PDE4B: variants seen among roughly 807,000 people sequenced by gnomAD.
PDE4B encodes 3',5'-cyclic-AMP phosphodiesterase 4B.
PDE4B carries 20 observed loss-of-function variants against 82.2 expected under a neutral mutation model. The observed-to-expected ratio is 0.24, with a 90% CI of 0.17 to 0.35. PDE4B has a LOEUF of 0.35. PDE4B is among the 10% of genes least tolerant of loss of function. The pLI is 1.00. For missense variants in PDE4B, 655 were observed against 907.2 expected, an observed-to-expected ratio of 0.72 and a Z score of 3.57; for synonymous variants, 320 against 318.9, an observed-to-expected ratio of 1.00 and a Z score of -0.04.
At chr1:65,992,840 C>T in intron 3 of PDE4B, 1 of 1,563,258 alleles carries the variant, frequency 6.4e-7, no homozygotes, top group Middle Eastern at 1.7e-4. Flanking sequence ...TTCTGACCTG[C>T]AGCAGTGTCT....
In PDE4B at chr1:65,962,529, C is replaced by T. The variant is rs557873269; in HGVS notation, c.281+43694C>T. ...CTTTCAAAACATTGAAGCAAGGATG[C>T]AGAAACTGTTGCTAGTCCATGAAGG... On this transcript the variant is annotated intron_variant, in intron 3 of 16. Coordinates refer to ENST00000341517, the MANE Select transcript of PDE4B (RefSeq NM_002600.4). Among the ~76,000 whole-genome samples, 8 of 152,186 alleles carry T rather than the reference C, an allele frequency of 5.3e-5. No homozygotes were observed. In the East Asian group the frequency reaches 1.6e-3, roughly 29 times the overall value.
In PDE4B at chr1:66,355,554, A is replaced by G. The variant is rs1408110405; in HGVS notation, c.775A>G (p.Thr259Ala). The G allele has an allele frequency of 6.2e-7, 1 of 1,612,668 alleles. No individual in the cohort carries two copies. Among genetic ancestry groups the G allele is most frequent in the Admixed American group, 1.7e-5 (1 of 59,994 alleles). ...CAAAAGAATGCTGAACCGGGAGCTGACACACCTCTCAGAGATGAGCCGATC... is the reference window on the plus strand; with the variant it reads ...CAAAAGAATGCTGAACCGGGAGCTGGCACACCTCTCAGAGATGAGCCGATC... ...KFKRMLNREL[T>A]HLSEMSRSGN... Residue 259 changes from threonine to alanine, a missense_variant, in exon 9 of 17, where the codon ACA becomes GCA. Thr to Ala is a moderately conservative substitution (Grantham distance 58). Around this residue, in one of 3 missense-constraint regions of PDE4B, gnomAD observed 283 missense variants for 516.4 expected, o/e 0.55. Transcript: ENST00000341517.
At chr1:65,886,513 A>T (rs1392725660) in intron 1 of PDE4B, among the ~76,000 whole-genome samples, 2 of 151,980 alleles carry the variant, frequency 1.3e-5, no homozygotes, top group Non-Finnish European at 2.9e-5. Context: ...CTCATAACCA[A>T]CCTCTTTTTA....
intron 3 of PDE4B, among the ~76,000 whole-genome samples, chr1:66,054,828 AT>A (rs1655216823): frequency 6.6e-6 from 1 of 152,138 alleles, no homozygotes; most frequent in African/African-American, 2.4e-5. Context: ...CTCCTTATCT[AT>A]AGGCCCTTCC....
intron 3 of PDE4B, among the ~76,000 whole-genome samples, chr1:65,966,769 A>G (rs575891203): frequency 6.6e-6 from 1 of 152,324 alleles, no homozygotes; most frequent in Admixed American, 6.5e-5. Context: ...CAAATCTGAC[A>G]AAAACAAACG....
intron 3 of PDE4B, among the ~76,000 whole-genome samples, chr1:66,087,398 T>C (rs1295429397): frequency 2.0e-5 from 3 of 152,104 alleles, no homozygotes; most frequent in African/African-American, 7.2e-5. Context: ...ATATTAGCCC[T>C]TTGTCAGATG....
chr1:66,073,885 A>G (rs1196047209), intron 3 of PDE4B, among the ~76,000 whole-genome samples: 1 of 152,160 alleles, frequency 6.6e-6, no homozygotes. Flanking sequence ...ATATCATAGA[A>G]GAAAAAAGTT....
intron 1 of PDE4B, among the ~76,000 whole-genome samples, chr1:65,901,943 T>C (rs1646976214): frequency 6.6e-6 from 1 of 152,096 alleles, no homozygotes; most frequent in South Asian, 2.1e-4. Context: ...CTATAAACTT[T>C]TAACATTGCT....
chr1:65,927,781 A>C (rs1569713801), intron 3 of PDE4B, among the ~76,000 whole-genome samples: 1 of 152,060 alleles, frequency 6.6e-6, no homozygotes, highest in Admixed American at 6.6e-5. Flanking sequence ...AATGGCTTCC[A>C]TTTGGCCTTT....
intron 13 of PDE4B, among the ~76,000 whole-genome samples, chr1:66,366,864 TG>T (rs1408175397): frequency 6.6e-6 from 1 of 152,228 alleles, no homozygotes; most frequent in Non-Finnish European, 1.5e-5. Context: ...CATTGGAGGT[TG>T]TAACTAAGAG....
intron 3 of PDE4B, among the ~76,000 whole-genome samples, chr1:65,969,670 T>A (rs1359648177): frequency 6.6e-6 from 1 of 152,200 alleles, no homozygotes; most frequent in African/African-American, 2.4e-5. Context: ...TGACAATATT[T>A]GTAATGATAT....
At chr1:66,219,085 T>A (rs1650750882) in intron 3 of PDE4B, among the ~76,000 whole-genome samples, 1 of 152,184 alleles carries the variant, frequency 6.6e-6, no homozygotes, top group African/African-American at 2.4e-5. Flanking sequence ...GGTCCCATTC[T>A]CACATGGTTC....
chr1:65,993,408 T>C (rs1651357550), intron 3 of PDE4B, among the ~76,000 whole-genome samples: 1 of 152,216 alleles, frequency 6.6e-6, no homozygotes, highest in Non-Finnish European at 1.5e-5. Context: ...TAGCTAATTC[T>C]AGGTAAGTCG....
At chr1:65,918,962 C>G (rs919896254) in intron 3 of PDE4B, 127 bp downstream of exon 3, 1 of 649,482 alleles carries the variant, frequency 1.5e-6, no homozygotes, top group African/African-American at 1.8e-5. Flanking sequence ...TTTGAGAATT[C>G]GTTTCCCTTT....
intron 3 of PDE4B, among the ~76,000 whole-genome samples, chr1:66,083,052 TCTG>T (rs2100966899): frequency 6.6e-6 from 1 of 152,280 alleles, no homozygotes; most frequent in South Asian, 2.1e-4. Flanking sequence ...TTTGCAGTCT[TCTG>T]CCGCCTCCCT....
At chr1:66,187,800 A>AT (rs1226119978) in intron 3 of PDE4B, among the ~76,000 whole-genome samples, 21 of 151,532 alleles carry the variant, frequency 1.4e-4, no homozygotes, top group South Asian at 2.1e-4. Context: ...GGATTCATTG[A>AT]TTTTTTTGAA....
At chr1:66,162,013 C>T (rs1646622940) in intron 3 of PDE4B, among the ~76,000 whole-genome samples, 1 of 152,086 alleles carries the variant, frequency 6.6e-6, no homozygotes, top group Admixed American at 6.5e-5. Context: ...CTATATGAAG[C>T]CCTTAGCACT....
chr1:66,362,643 C>T (rs187260186), intron 10 of PDE4B, among the ~76,000 whole-genome samples: 1 of 152,252 alleles, frequency 6.6e-6, no homozygotes. Flanking sequence ...CCCAGGAGCC[C>T]TAGGATGTAA....
At chr1:65,897,326 A>G (rs1000964774) in intron 1 of PDE4B, among the ~76,000 whole-genome samples, 135 of 152,210 alleles carry the variant, frequency 8.9e-4, no homozygotes, top group African/African-American at 2.7e-3. Flanking sequence ...TCAAATGCCT[A>G]TCATCAATCC....
Sources: gnomAD v4.1 joint callset for allele counts (sites outside exome capture counted in the v4.1 genomes callset) on GRCh38, gnomAD v4.1.1 for gene constraint, gnomAD v4.1.1 regional missense constraint, MANE v1.5 for transcripts, NCBI Gene and HGNC (gene_info 2026-07-23, HGNC 2026-07-21) for gene names.